Variants in JADE2 observed in about 807,000 individuals in gnomAD.
JADE2 encodes E3 ubiquitin-protein ligase Jade-2.
A neutral mutation model predicts 85.7 loss-of-function variants in JADE2; 13 were observed. That is an observed-to-expected ratio of 0.15 (90% CI 0.10 to 0.24). The LOEUF is 0.24. JADE2 is among the 10% of genes least tolerant of loss of function. The probability of loss-of-function intolerance (pLI) is 1.00; values close to 1 mark genes in which losing one functional copy is unlikely to be tolerated. For synonymous variants in JADE2, 440 were observed against 456.1 expected (o/e 0.96, Z 0.45); for missense variants, 846 against 1,115.9 (o/e 0.76, Z 3.45).
rs571860702 is a variant in JADE2 at position 134,579,396 on chromosome 5, C to G, written c.*79C>G. On this transcript the variant is annotated 3_prime_UTR_variant, in exon 12 of 12. Coordinates refer to ENST00000681547, the MANE Select transcript of JADE2 (RefSeq NM_001388185.1). The surrounding 1 kb of genome is among the most constrained non-coding windows in gnomAD (Gnocchi z 4.6). ...CCCAGTCACAACTGCCATTTCCAGT[C>G]TCTGCTGAGTGTCCCAGACCCTCGA... The G allele has an allele frequency of 1.3e-5, 15 of 1,170,038 alleles. No individual in the cohort carries two copies. The highest frequency in any genetic ancestry group is 2.8e-4 in the Middle Eastern group (1 of 3,520). The allele number at this position is 1,170,038 out of a possible 1,614,324, so 72.5% of individuals were successfully genotyped here.
chr5:134,543,842 G>A (rs112929938), intron 3 of JADE2, among the ~76,000 whole-genome samples: 2 of 152,246 alleles, frequency 1.3e-5, no homozygotes, highest in African/African-American at 4.8e-5. Flanking sequence ...GAGAGGGAGG[G>A]AGGCTCTCCA....
intron 9 of JADE2, among the ~76,000 whole-genome samples, chr5:134,572,207 C>T (rs1034642069): frequency 6.6e-6 from 1 of 152,204 alleles, no homozygotes; most frequent in African/African-American, 2.4e-5. Context: ...GGTGGCCCCC[C>T]GGAGTGGTAC....
intron 3 of JADE2, among the ~76,000 whole-genome samples, chr5:134,549,734 G>GCACAT (rs1762498575): frequency 6.6e-6 from 1 of 152,224 alleles, no homozygotes; most frequent in South Asian, 2.1e-4. Context: ...TCTTTAGAGG[G>GCACAT]CACATAGTGA....
chr5:134,546,973 C>A (rs796349067), intron 3 of JADE2, among the ~76,000 whole-genome samples: 79 of 152,288 alleles, frequency 5.2e-4, no homozygotes, highest in African/African-American at 1.9e-3. Flanking sequence ...AGCTACAAAT[C>A]TTGAGATTGT....
At chr5:134,544,763 C>T (rs1025647792) in intron 3 of JADE2, among the ~76,000 whole-genome samples, 1 of 152,132 alleles carries the variant, frequency 6.6e-6, no homozygotes, top group African/African-American at 2.4e-5. Context: ...AGAGGGTGTC[C>T]CCCAGACCCA....
intron 3 of JADE2, among the ~76,000 whole-genome samples, chr5:134,546,197 C>A (rs1762286293): frequency 6.6e-6 from 1 of 152,096 alleles, no homozygotes; most frequent in South Asian, 2.1e-4. Context: ...GAGACAGGGT[C>A]TCCCTCTGTC....
intron 3 of JADE2, among the ~76,000 whole-genome samples, chr5:134,545,510 A>C (rs72798649): frequency 0.15 from 22,457 of 151,082 alleles, 1,893 homozygotes; most frequent in African/African-American, 0.22. Flanking sequence ...TTCGTGTTTT[A>C]TACTGAATTT....
At position 134,566,811 on chromosome 5, in the gene JADE2, C is replaced by T. The variant is rs1029103967; in HGVS notation, c.1434+231C>T. 3.3e-5 allele frequency among the ~76,000 whole-genome samples: 5 copies of T among 152,322 alleles called. No individual in the cohort carries two copies. Among genetic ancestry groups the T allele is most frequent in the East Asian group, 3.9e-4 (2 of 5,188 alleles). On this transcript the variant is annotated intron_variant, in intron 9 of 11. Coordinates refer to ENST00000681547, the MANE Select transcript of JADE2 (RefSeq NM_001388185.1). This position sits in a 1 kb window ranked among gnomAD's most constrained non-coding sequence, Gnocchi z 6.7. Reference sequence around the variant, plus strand: ...GAGAAGAGTCCAGTTCTTGAGTCTCCGAGTCCCTCTTGTCCTAGCCCTGTC... The same window carrying T: ...GAGAAGAGTCCAGTTCTTGAGTCTCTGAGTCCCTCTTGTCCTAGCCCTGTC...
chr5:134,577,690 C>G (rs1217018075), intron 11 of JADE2, among the ~76,000 whole-genome samples: 1 of 152,132 alleles, frequency 6.6e-6, no homozygotes, highest in East Asian at 1.9e-4. Flanking sequence ...GACCCTGTTC[C>G]TTCATTTCAC....
intron 5 of JADE2, among the ~76,000 whole-genome samples, chr5:134,560,464 C>T (rs376124643): frequency 6.6e-6 from 1 of 152,186 alleles, no homozygotes; most frequent in Non-Finnish European, 1.5e-5. Context: ...GGCCGCATCC[C>T]AGAGACACTT....
At chr5:134,539,212 C>T (rs1761807285) in intron 3 of JADE2, among the ~76,000 whole-genome samples, 1 of 152,028 alleles carries the variant, frequency 6.6e-6, no homozygotes, top group South Asian at 2.1e-4. Flanking sequence ...CAGGCGCCCG[C>T]CACCACACCC....
Position 134,578,983 on chromosome 5 carries a change from C to T in JADE2, c.2171C>T (p.Thr724Ile), listed in dbSNP as rs137896070. ...PESPPPLAPE[T>I]PDEAASVAAD... The stretch of plus-strand genomic sequence containing the variant: ...AGCCCCCCGCCACTGGCCCCTGAGA[C>T]CCCGGACGAGGCAGCCTCAGTAGCT... The change falls in exon 12 of 12, where the codon ACC becomes ATC. Residue 724 changes from threonine (T) to isoleucine (I), a missense_variant. This residue lies in a region of JADE2 where 300 missense variants were observed against 300.7 expected (regional missense o/e 1.00). Transcript: ENST00000681547. This position sits in a 1 kb window ranked among gnomAD's most constrained non-coding sequence, Gnocchi z 4.4. The T allele has an allele frequency of 1.1e-5, 17 of 1,613,616 alleles. No homozygotes were observed. Among genetic ancestry groups the T allele is most frequent in the African/African-American group, 9.3e-5 (7 of 74,930 alleles).
At chr5:134,539,345 G>A (rs1273161995) in intron 3 of JADE2, among the ~76,000 whole-genome samples, 1 of 152,134 alleles carries the variant, frequency 6.6e-6, no homozygotes, top group African/African-American at 2.4e-5. Context: ...TTACAGGCAT[G>A]AGCCACCGCG....
chr5:134,576,184 G>A (rs1764356027), intron 10 of JADE2, among the ~76,000 whole-genome samples: 2 of 152,114 alleles, frequency 1.3e-5, no homozygotes, highest in Non-Finnish European at 2.9e-5. Context: ...GGGCAACAGA[G>A]CAAGACTCTC....
chr5:134,566,647 C>G lies in JADE2; in HGVS notation c.1434+67C>G. 2 of 1,198,130 alleles carry G rather than the reference C, an allele frequency of 1.7e-6. No homozygotes were observed. The highest frequency in any genetic ancestry group is 2.3e-6 in the Non-Finnish European group (2 of 861,458). The allele number at this position is 1,198,130 out of a possible 1,614,324, so 74.2% of individuals were successfully genotyped here. A position where few individuals can be genotyped will look rare whatever the true frequency, so the allele number is the denominator to read the frequency against. On this transcript the variant is annotated intron_variant, in intron 9 of 11. Coordinates refer to ENST00000681547, the MANE Select transcript of JADE2 (RefSeq NM_001388185.1). The surrounding 1 kb of genome is among the most constrained non-coding windows in gnomAD (Gnocchi z 6.7). ...CCAGGAGTCCTTTCCATGCCACACTCACTGCCCTGGAGCAGCTAGGACTCA... is the reference window on the plus strand; with the variant it reads ...CCAGGAGTCCTTTCCATGCCACACTGACTGCCCTGGAGCAGCTAGGACTCA...
In JADE2 at chr5:134,538,209, G is replaced by T. The variant is rs534246813; in HGVS notation, c.153+126G>T. ...AGAGGGAGGCCAGCGTGGCCGAGTG[G>T]AATGAAGGGGAGTAGGGGCCAGTTT... On this transcript the variant is annotated intron_variant, in intron 3 of 11. Coordinates refer to ENST00000681547, the MANE Select transcript of JADE2 (RefSeq NM_001388185.1). The T allele has an allele frequency of 2.3e-4, 160 of 684,218 alleles. No homozygotes were observed. In the African/African-American group the frequency reaches 2.7e-3, roughly 11 times the overall value. The allele number at this position is 684,218 out of a possible 1,614,324, so 42.4% of individuals were successfully genotyped here. A position where few individuals can be genotyped will look rare whatever the true frequency, so the allele number is the denominator to read the frequency against.
At chr5:134,525,503 G>T (rs1197262953), upstream of JADE2, among the ~76,000 whole-genome samples, 1 of 151,368 alleles carries the variant, frequency 6.6e-6, no homozygotes, top group Non-Finnish European at 1.5e-5. Context: ...TGGGCGGGGG[G>T]TTGGGGGGGC....
rs1241290021 is a variant in JADE2 at position 134,578,891 on chromosome 5, T to C, written c.2079T>C (p.Arg693=). Residue 693 remains arginine, a synonymous_variant, in exon 12 of 12, where the codon CGT becomes CGC. Coordinates refer to ENST00000681547, the MANE Select transcript of JADE2 (RefSeq NM_001388185.1). The surrounding 1 kb of genome is among the most constrained non-coding windows in gnomAD (Gnocchi z 4.4). Reference sequence around the variant, plus strand: ...GGCCACCTACCAGGAAGCCACCACGTCGGACATCTTCTCACTTGCCGTCCA... The same window carrying C: ...GGCCACCTACCAGGAAGCCACCACGCCGGACATCTTCTCACTTGCCGTCCA... ...GQGPPTRKPP[R]RTSSHLPSSP... 3 of 1,613,616 alleles carry C rather than the reference T, an allele frequency of 1.9e-6. No individual in the cohort carries two copies. The highest frequency in any genetic ancestry group is 2.7e-5 in the African/African-American group (2 of 74,886).
rs11363841 is a variant in JADE2, at chr5:134,575,724, CA to C, written c.1553-1031del. On this transcript the variant is annotated intron_variant, in intron 10 of 11. Transcript: ENST00000681547. ...GGAGTTCCAGACCAGCCTGTCTCTA[CA>C]AAAAAAAAAAAATACAAAAATTAGC... 1,174 of 142,078 alleles carry C rather than the reference CA, an allele frequency of 8.3e-3. 14 individuals are homozygous for C. The highest frequency in any genetic ancestry group is 0.029 in the African/African-American group (1,094 of 38,308). 8.8% of individuals were successfully genotyped at this position (142,078 alleles called of 1,614,324 possible). A position where few individuals can be genotyped will look rare whatever the true frequency, so the allele number is the denominator to read the frequency against.
Sources: allele counts gnomAD v4.1 joint callset (sites outside exome capture counted in the v4.1 genomes callset), GRCh38; gene constraint gnomAD v4.1.1; regional missense constraint gnomAD v4.1.1; non-coding constraint Gnocchi (gnomAD v3.1); transcripts MANE v1.5; gene names NCBI Gene and HGNC (gene_info 2026-07-23, HGNC 2026-07-21).